The following CHST8 variants were observed in gnomAD, a reference collection of about 807,000 sequenced individuals.
CHST8 encodes the protein GALNAC-4-ST1.
A neutral mutation model predicts 15.0 loss-of-function variants in CHST8; 10 were observed. The observed-to-expected ratio is 0.67, with a 90% confidence interval of 0.41 to 1.13. The LOEUF is 1.13. Among genes scored for constraint, CHST8 ranks in the 50% most tolerant of loss-of-function variants. The pLI, the probability that CHST8 is intolerant of heterozygous loss-of-function variation, is 0.00. For missense variants in CHST8, 634 were observed against 608.2 expected (o/e 1.04, Z -0.45); for synonymous variants, 259 against 256.6 (o/e 1.01, Z -0.09).
intron 1 of CHST8, among the ~76,000 whole-genome samples, chr19:33,637,141 C>T (rs1000897647): frequency 2.0e-5 from 3 of 152,200 alleles, no homozygotes; most frequent in Non-Finnish European, 4.4e-5. Context: ...AGGTCACTCT[C>T]ATCACCATCT....
In CHST8 at chr19:33,737,155, T is replaced by C. The variant is rs371590828; in HGVS notation, c.131-34258T>C. On this transcript the variant is annotated intron_variant, in intron 3 of 4. Coordinates refer to ENST00000650847, the MANE Select transcript of CHST8 (RefSeq NM_001127895.2). ...AAACTCATTAATAATCTACCCGTTA[T>C]TTAGCATGTAGTCAAAAATAACCAT... is the stretch of plus-strand genomic sequence containing the variant. Among the ~76,000 whole-genome samples, 39 of 152,332 alleles carry C rather than the reference T, an allele frequency of 2.6e-4. 1 individual carries two copies. The East Asian group carries it at 3.5e-3, about 14-fold the overall frequency.
intron 1 of CHST8, among the ~76,000 whole-genome samples, chr19:33,625,911 C>T (rs1292547299): frequency 1.3e-5 from 2 of 152,018 alleles, no homozygotes; most frequent in African/African-American, 4.8e-5. Context: ...GTAGATATGG[C>T]ATCAGTGTCC....
intron 1 of CHST8, among the ~76,000 whole-genome samples, chr19:33,633,490 C>T (rs540065186): frequency 5.9e-5 from 9 of 151,966 alleles, no homozygotes; most frequent in Non-Finnish European, 1.2e-4. Flanking sequence ...CTCCTGGGCT[C>T]ATGCCAGCCT....
chr19:33,697,311 C>T (rs909224601), intron 3 of CHST8, among the ~76,000 whole-genome samples: 16 of 152,238 alleles, frequency 1.1e-4, no homozygotes, highest in East Asian at 1.9e-4. Flanking sequence ...GTCACTGCAG[C>T]CTTGACTTCC....
chr19:33,727,356 A>G (rs1189844036), intron 3 of CHST8, among the ~76,000 whole-genome samples: 3 of 152,118 alleles, frequency 2.0e-5, no homozygotes, highest in Non-Finnish European at 4.4e-5. Context: ...GCACTGCCCA[A>G]GGAGTCGCCG....
At chr19:33,650,085 A>G (rs78324152) in intron 1 of CHST8, among the ~76,000 whole-genome samples, 2,176 of 152,246 alleles carry the variant, frequency 0.014, 46 homozygotes, top group African/African-American at 0.049. Flanking sequence ...TGTGAGTCTT[A>G]TGATCTCTGT....
At chr19:33,642,392 G>C (rs1337084316) in intron 1 of CHST8, among the ~76,000 whole-genome samples, 1 of 151,906 alleles carries the variant, frequency 6.6e-6, no homozygotes, top group African/African-American at 2.4e-5. Flanking sequence ...TCTGAGATAG[G>C]GTCTCTGTCG....
In CHST8 at chr19:33,772,018, G is replaced by C. The variant is rs781429002; in HGVS notation, c.230G>C (p.Arg77Pro). Residue 77 changes from arginine (R) to proline (P), a missense_variant, in exon 5 of 5, where the codon CGG (arginine) becomes CCG (proline). Coordinates refer to ENST00000650847, the MANE Select transcript of CHST8 (RefSeq NM_001127895.2). ...DLKEPTERVT[R>P]DLSSGAPRGR... is the part of the protein sequence containing the mutation. ...AAGGAACCCACAGAGAGGGTCACTC[G>C]GGACTTATCCAGTGGGGCCCCGAGG... 1.2e-6 allele frequency: 2 copies of C among 1,610,134 alleles called. No individual in the cohort carries two copies. The highest frequency in any genetic ancestry group is 8.5e-7 in the Non-Finnish European group (1 of 1,178,862).
intron 3 of CHST8, among the ~76,000 whole-genome samples, chr19:33,749,580 G>T (rs977865890): frequency 6.6e-6 from 1 of 151,990 alleles, no homozygotes; most frequent in Non-Finnish European, 1.5e-5. Context: ...TGAAGACAGC[G>T]GTGATGAGGC....
chr19:33,677,739 AC>A (rs1371348618), intron 2 of CHST8, among the ~76,000 whole-genome samples: 19 of 151,948 alleles, frequency 1.3e-4, no homozygotes, highest in Admixed American at 1.2e-3. Flanking sequence ...CCTCTGTGTT[AC>A]TCTCCCACAG....
chr19:33,750,878 T>G (rs911197628), intron 3 of CHST8, among the ~76,000 whole-genome samples: 4 of 151,488 alleles, frequency 2.6e-5, no homozygotes, highest in Non-Finnish European at 5.9e-5. Context: ...CTGGTACCCC[T>G]CAGCAGCAGG....
At chr19:33,625,024 G>A (rs56271619) in intron 1 of CHST8, among the ~76,000 whole-genome samples, 70,275 of 151,896 alleles carry the variant, frequency 0.46, 16,652 homozygotes, top group Middle Eastern at 0.61. Flanking sequence ...CTGGAGAAAC[G>A]TGGGGCAGCG....
intron 2 of CHST8, among the ~76,000 whole-genome samples, chr19:33,671,873 T>C (rs983925200): frequency 6.6e-6 from 1 of 151,982 alleles, no homozygotes; most frequent in Non-Finnish European, 1.5e-5. Flanking sequence ...ATGTAGTAGG[T>C]GCTCATTAAA....
chr19:33,704,172 T>C lies in CHST8; in HGVS notation c.130+14781T>C, dbSNP rs79823041. ...TCTTGGTTTTCCACCAGGGCGGGAC[T>C]GCAGGGATGATGATCCGTGAGCCCC... On this transcript the variant is annotated intron_variant, in intron 3 of 4. Transcript: ENST00000650847. Among the ~76,000 whole-genome samples the C allele has an allele frequency of 2.4e-3, 362 of 152,302 alleles. 7 individuals carry two copies. The East Asian group carries it at 0.053, about 22-fold the overall frequency.
rs907417931 is a variant in CHST8 at position 33,627,000 on chromosome 19, A to G, written c.-164+4704A>G. Among the ~76,000 whole-genome samples the G allele has an allele frequency of 2.7e-5, 4 of 148,494 alleles. No individual in the cohort carries two copies. The East Asian group carries it at 8.0e-4, about 30-fold the overall frequency. On this transcript the variant is annotated intron_variant, in intron 1 of 4. Coordinates refer to ENST00000650847, the MANE Select transcript of CHST8 (RefSeq NM_001127895.2). ...AGATGGGGTCTCCCTATGTTGTCCA[A>G]GCTCATCTTGAACTTCTTGCCTCAA...
Position 33,639,033 on chromosome 19 carries a change from T to C in CHST8, c.-164+16737T>C, listed in dbSNP as rs138502299. On this transcript the variant is annotated intron_variant, in intron 1 of 4. Coordinates refer to ENST00000650847, the MANE Select transcript of CHST8 (RefSeq NM_001127895.2). ...TCAAATATTGTGCTTAAAGGTGGCT[T>C]GCAGGTGACAGGAGCCTCTCTCCAG... 1.3e-3 allele frequency among the ~76,000 whole-genome samples: 189 copies of C among 142,504 alleles called. 1 individual carries two copies. In the East Asian group the frequency reaches 0.017, roughly 13 times the overall value. The allele number at this position is 142,504 out of a possible 152,430, so 93.5% of individuals were successfully genotyped here. A position where few individuals can be genotyped will look rare whatever the true frequency, so the allele number is the denominator to read the frequency against.
At chr19:33,714,651 C>T (rs543750174) in intron 3 of CHST8, among the ~76,000 whole-genome samples, 1 of 152,326 alleles carries the variant, frequency 6.6e-6, no homozygotes, top group Admixed American at 6.5e-5. Flanking sequence ...TCCCACAATT[C>T]CCACATGTCC....
At chr19:33,765,810 C>T (rs1441970957) in intron 3 of CHST8, among the ~76,000 whole-genome samples, 3 of 152,086 alleles carry the variant, frequency 2.0e-5, no homozygotes, top group Admixed American at 1.3e-4. Context: ...ATCCACCTGC[C>T]GTAGCCTCCA....
chr19:33,747,033 A>AT, intron 3 of CHST8, among the ~76,000 whole-genome samples: 1 of 152,284 alleles, frequency 6.6e-6, no homozygotes, highest in East Asian at 1.9e-4. Flanking sequence ...TTTTGAGAAA[A>AT]TTGCTGTTCC....
Sources: allele counts gnomAD v4.1 joint callset (sites outside exome capture counted in the v4.1 genomes callset), GRCh38; gene constraint gnomAD v4.1.1; transcripts MANE v1.5; gene names NCBI Gene and HGNC (gene_info 2026-07-23, HGNC 2026-07-21).